EXOC6B: variants seen among roughly 807,000 people sequenced by gnomAD.
EXOC6B encodes SEC15 homolog B.
EXOC6B carries 54 observed loss-of-function variants against 113.5 expected under a neutral mutation model. The ratio of observed to expected loss-of-function variants is 0.48; its 90% confidence interval spans 0.38 to 0.60. The LOEUF is 0.60. Ranked by LOEUF, EXOC6B falls within the 20% of genes least tolerant of loss-of-function variation. The pLI is 0.00. For missense variants in EXOC6B, 797 were observed against 977.5 expected (o/e 0.82, Z 2.46); for synonymous variants, 357 against 339.0 (o/e 1.05, Z -0.58).
chr2:72,350,264 TAGA>T (rs1013985679), intron 19 of EXOC6B, among the ~76,000 whole-genome samples: 19 of 152,220 alleles, frequency 1.2e-4, no homozygotes, highest in African/African-American at 4.6e-4. Flanking sequence ...ATATCTTTCC[TAGA>T]AGAAGTTAAC....
chr2:72,360,408 C>G (rs562834223), intron 19 of EXOC6B, among the ~76,000 whole-genome samples: 19 of 152,260 alleles, frequency 1.2e-4, no homozygotes, highest in African/African-American at 4.6e-4. Context: ...CTTCTTTATA[C>G]TACAAGTTCA....
chr2:72,408,642 C>G (rs1172199387), intron 18 of EXOC6B, among the ~76,000 whole-genome samples: 1 of 152,140 alleles, frequency 6.6e-6, no homozygotes, highest in Non-Finnish European at 1.5e-5. Context: ...ATAAATGGTG[C>G]TGGGAAAACT....
chr2:72,249,918 C>A (rs1217893831), intron 20 of EXOC6B, among the ~76,000 whole-genome samples: 3 of 152,144 alleles, frequency 2.0e-5, no homozygotes, highest in Non-Finnish European at 4.4e-5. Context: ...ATAGCTTTAT[C>A]AAGTTGTTTA....
intron 8 of EXOC6B, among the ~76,000 whole-genome samples, chr2:72,528,695 CATAT>C (rs1701850648): frequency 6.6e-6 from 1 of 152,092 alleles, no homozygotes; most frequent in South Asian, 2.1e-4. Flanking sequence ...CATCTATTTA[CATAT>C]ATGATTTTAT....
intron 6 of EXOC6B, among the ~76,000 whole-genome samples, chr2:72,644,000 A>G (rs1353472045): frequency 6.6e-6 from 1 of 152,116 alleles, no homozygotes; most frequent in African/African-American, 2.4e-5. Context: ...ACAAACTTCA[A>G]GCTAAAGAAG....
At chr2:72,433,607 G>A (rs1459029958) in intron 18 of EXOC6B, among the ~76,000 whole-genome samples, 1 of 152,136 alleles carries the variant, frequency 6.6e-6, no homozygotes, top group Non-Finnish European at 1.5e-5. Context: ...AGTTCTCCTT[G>A]AAGAGGTCCT....
chr2:72,487,873 G>A (rs1270542602), intron 16 of EXOC6B, among the ~76,000 whole-genome samples: 1 of 152,182 alleles, frequency 6.6e-6, no homozygotes, highest in Admixed American at 6.5e-5. Flanking sequence ...GAGCAAGGCA[G>A]CGTCTGCCAG....
intron 6 of EXOC6B, among the ~76,000 whole-genome samples, chr2:72,674,429 C>T (rs1201191615): frequency 2.0e-5 from 3 of 152,208 alleles, no homozygotes; most frequent in Non-Finnish European, 2.9e-5. Flanking sequence ...CAGTGTTCTT[C>T]ACCTTCACAC....
intron 18 of EXOC6B, chr2:72,462,073 A>C (rs967168926): frequency 6.6e-6 from 1 of 152,032 alleles, no homozygotes; most frequent in East Asian, 1.9e-4. Context: ...ATTTGAAAAA[A>C]CTTTCTACAG....
chr2:72,372,216 C>T (rs1691070579), intron 19 of EXOC6B, among the ~76,000 whole-genome samples: 1 of 152,022 alleles, frequency 6.6e-6, no homozygotes, highest in Non-Finnish European at 1.5e-5. Flanking sequence ...GATTGGAAGA[C>T]ACAATATTGT....
intron 5 of EXOC6B, among the ~76,000 whole-genome samples, chr2:72,725,240 C>G (rs1680230697): frequency 6.6e-6 from 1 of 152,174 alleles, no homozygotes; most frequent in African/African-American, 2.4e-5. Context: ...ATACATCTCT[C>G]AGAAGCCAGA....
intron 19 of EXOC6B, among the ~76,000 whole-genome samples, chr2:72,368,724 A>G (rs1413774331): frequency 1.3e-5 from 2 of 152,262 alleles, no homozygotes; most frequent in African/African-American, 2.4e-5. Flanking sequence ...GCAAATCAAT[A>G]AACATAATCC....
At chr2:72,488,386 T>C (rs1699546897) in intron 16 of EXOC6B, among the ~76,000 whole-genome samples, 2 of 152,102 alleles carry the variant, frequency 1.3e-5, no homozygotes, top group Admixed American at 1.3e-4. Context: ...AGCATGAATA[T>C]AAATATTTAT....
intron 20 of EXOC6B, among the ~76,000 whole-genome samples, chr2:72,308,036 T>A (rs1285327499): frequency 6.6e-6 from 1 of 152,220 alleles, no homozygotes; most frequent in South Asian, 2.1e-4. Flanking sequence ...TCATTAGAAT[T>A]TCTGAGTTAA....
chr2:72,580,818 C>T (rs1303531177), intron 6 of EXOC6B, among the ~76,000 whole-genome samples: 2 of 152,206 alleles, frequency 1.3e-5, no homozygotes, highest in Non-Finnish European at 2.9e-5. Flanking sequence ...GGAAGTAAAA[C>T]AACCCTTGAA....
intron 20 of EXOC6B, among the ~76,000 whole-genome samples, chr2:72,216,033 A>C (rs1680511365): frequency 6.6e-6 from 1 of 152,126 alleles, no homozygotes; most frequent in East Asian, 1.9e-4. Flanking sequence ...AAGACAGAAA[A>C]AGGAACTGGG....
At chr2:72,774,108 T>C (rs1027721530) in intron 1 of EXOC6B, among the ~76,000 whole-genome samples, 6 of 152,324 alleles carry the variant, frequency 3.9e-5, no homozygotes, top group African/African-American at 1.4e-4. Context: ...CTGGGTTGTA[T>C]AGGTTTTCCA....
intron 18 of EXOC6B, among the ~76,000 whole-genome samples, chr2:72,450,844 T>C (rs918948056): frequency 9.9e-5 from 15 of 152,168 alleles, no homozygotes; most frequent in African/African-American, 3.1e-4. Context: ...TTTTAAGCAT[T>C]ACTATTGAAG....
In EXOC6B at chr2:72,499,943, T is replaced by C; in HGVS notation, c.1197A>G (p.Leu399=). The part of the protein sequence containing the change: ...SSYCSDPNLV[L]DLKNLIVLFA... ...AAAGCACAATGAGGTTCTTCAAATC[T>C]AACACAAGGTTTGGATCAGAACAGT... The change falls in exon 12 of 22, where the codon TTA becomes TTG. Residue 399 remains leucine, a synonymous_variant. Coordinates refer to ENST00000272427, the MANE Select transcript of EXOC6B (RefSeq NM_015189.3). The C allele has an allele frequency of 5.2e-6, 8 of 1,553,050 alleles. No homozygotes were observed. Among genetic ancestry groups the C allele is most frequent in the Non-Finnish European group, 7.0e-6 (8 of 1,147,342 alleles).
Sources: gnomAD v4.1 joint callset for allele counts (sites outside exome capture counted in the v4.1 genomes callset) on GRCh38, gnomAD v4.1.1 for gene constraint, MANE v1.5 for transcripts, NCBI Gene and HGNC (gene_info 2026-07-23, HGNC 2026-07-21) for gene names.